Variants in PRICKLE1 observed in about 807,000 individuals in gnomAD.
PRICKLE1 encodes the protein prickle planar cell polarity protein 1, also known as prickle-like protein 1.
A neutral mutation model predicts 70.2 loss-of-function variants in PRICKLE1; 14 were observed. The ratio of observed to expected loss-of-function variants is 0.20; its 90% CI spans 0.13 to 0.31. The LOEUF (loss-of-function observed/expected upper bound fraction) is 0.31. Ranked by LOEUF, PRICKLE1 falls within the 10% of genes least tolerant of loss-of-function variation. The probability of loss-of-function intolerance (pLI) is 1.00; values close to 1 mark genes in which losing one functional copy is unlikely to be tolerated. For missense variants in PRICKLE1, 821 were observed against 1,026.2 expected (o/e 0.80, Z 2.73); for synonymous variants, 357 against 379.9 (o/e 0.94, Z 0.70).
At chr12:42,527,627 G>T (rs1939828734) in intron 1 of PRICKLE1, among the ~76,000 whole-genome samples, 1 of 152,030 alleles carries the variant, frequency 6.6e-6, no homozygotes, top group Admixed American at 6.6e-5. Flanking sequence ...GCACAGAGAG[G>T]GTACTTAACA....
chr12:42,460,573 T>C lies in PRICKLE1; in HGVS notation c.1732A>G (p.Ser578Gly). The change falls in exon 8 of 8, where the codon AGC (serine) becomes GGC (glycine). Residue 578 changes from serine (S) to glycine (G), a missense_variant. Ser to Gly is a moderately conservative substitution (Grantham distance 56, BLOSUM62 0). Coordinates refer to ENST00000345127, the MANE Select transcript of PRICKLE1 (RefSeq NM_153026.3). Reference sequence around the variant, plus strand: ...GAAGAGTTCAAAGTTCCCATATTGCTCATCTTCTCACAATCTTCTGTTTCC... The same window carrying C: ...GAAGAGTTCAAAGTTCCCATATTGCCCATCTTCTCACAATCTTCTGTTTCC... The part of the protein sequence containing the change: ...EMETEDCEKM[S>G]NMGTLNSSML... The C allele has an allele frequency of 6.2e-7, 1 of 1,614,026 alleles. No homozygotes were observed. Among genetic ancestry groups the C allele is most frequent in the Non-Finnish European group, 8.5e-7 (1 of 1,180,010 alleles).
At chr12:42,536,729 C>G (rs1046898767) in intron 1 of PRICKLE1, among the ~76,000 whole-genome samples, 1 of 152,130 alleles carries the variant, frequency 6.6e-6, no homozygotes, top group African/African-American at 2.4e-5. Context: ...TTCTTTGGGT[C>G]ATCTGATGCC....
chr12:42,519,202 T>C (rs1316767685), intron 1 of PRICKLE1, among the ~76,000 whole-genome samples: 2 of 141,080 alleles, frequency 1.4e-5, no homozygotes, highest in Non-Finnish European at 3.1e-5. Flanking sequence ...CCTTTTTTTT[T>C]TTTTTTTTTT....
At chr12:42,542,256 C>G (rs1402592453) in intron 1 of PRICKLE1, among the ~76,000 whole-genome samples, 1 of 151,382 alleles carries the variant, frequency 6.6e-6, no homozygotes, top group Non-Finnish European at 1.5e-5. Context: ...TTTTTTTATG[C>G]TGTCAAAGAA....
chr12:42,492,946 G>A (rs1939130860), intron 1 of PRICKLE1, among the ~76,000 whole-genome samples: 1 of 152,152 alleles, frequency 6.6e-6, no homozygotes, highest in Non-Finnish European at 1.5e-5. Flanking sequence ...TTATGGAGTG[G>A]TGAATGACTA....
chr12:42,559,024 T>G (rs1940457155), intron 1 of PRICKLE1, among the ~76,000 whole-genome samples: 1 of 150,104 alleles, frequency 6.7e-6, no homozygotes, highest in South Asian at 2.1e-4. Flanking sequence ...TGTAGAAAAT[T>G]AGGAAGTTGG....
chr12:42,464,722 G>A lies in PRICKLE1; in HGVS notation c.1312C>T (p.Arg438Ter). 1 of 1,613,898 alleles carries A rather than the reference G, an allele frequency of 6.2e-7. No individual in the cohort carries two copies. The highest frequency in any genetic ancestry group is 8.5e-7 in the Non-Finnish European group (1 of 1,179,992). The part of the protein sequence containing the change: ...FQPQPNEMDI[R>*]ASEHWISDNM... ...TCAGATATCCAGTGCTCACTGGCTC[G>A]AATATCCATCTCATTGGGCTGTGGC... Residue 438 changes from arginine to a stop codon, truncating the protein, a stop_gained, in exon 7 of 8, where the codon CGA (arginine) becomes TGA (stop). Coordinates refer to ENST00000345127, the MANE Select transcript of PRICKLE1 (RefSeq NM_153026.3). LOFTEE classifies it high-confidence loss of function. This position sits in a 1 kb window ranked among gnomAD's most constrained non-coding sequence, Gnocchi z 4.2.
chr12:42,502,237 C>A (rs1973032), intron 1 of PRICKLE1, among the ~76,000 whole-genome samples: 25,469 of 149,732 alleles, frequency 0.17, 2,870 homozygotes, highest in African/African-American at 0.31. Flanking sequence ...ACATATACCT[C>A]TATATATATA....
intron 1 of PRICKLE1, among the ~76,000 whole-genome samples, chr12:42,552,215 TGCCACCAC>T (rs1056562955): frequency 1.3e-5 from 2 of 151,882 alleles, no homozygotes; most frequent in African/African-American, 2.4e-5. Context: ...CACAGGTGCA[TGCCACCAC>T]GCCCGGCTAA....
rs187632148 is a variant in PRICKLE1 at position 42,459,326 on chromosome 12, G to T, written c.*483C>A. 2.7e-4 allele frequency: 186 copies of T among 701,626 alleles called. No individual in the cohort carries two copies. The African/African-American group carries it at 3.0e-3, about 11-fold the overall frequency. The allele number at this position is 701,626 out of a possible 1,614,324, so 43.5% of individuals were successfully genotyped here. On this transcript the variant is annotated 3_prime_UTR_variant, in exon 8 of 8. Coordinates refer to ENST00000345127, the MANE Select transcript of PRICKLE1 (RefSeq NM_153026.3). ...TTACCTGGCCAAAGAGGGTTCGAGG[G>T]GACAAGCTGGCCTCACAATAAGATG...
intron 1 of PRICKLE1, among the ~76,000 whole-genome samples, chr12:42,583,926 A>G (rs1940944642): frequency 6.6e-6 from 1 of 152,114 alleles, no homozygotes; most frequent in Non-Finnish European, 1.5e-5. Context: ...AGAACTCCCC[A>G]GTTCTATTAC....
intron 1 of PRICKLE1, among the ~76,000 whole-genome samples, chr12:42,566,552 C>T (rs75934128): frequency 0.047 from 7,222 of 152,226 alleles, 217 homozygotes; most frequent in East Asian, 0.1. Context: ...TGTGTGACCA[C>T]AGGGATTCTC....
intron 7 of PRICKLE1, among the ~76,000 whole-genome samples, chr12:42,462,287 G>A (rs1264007978): frequency 2.0e-5 from 3 of 151,026 alleles, no homozygotes; most frequent in East Asian, 2.0e-4. Context: ...TGCAACCTCC[G>A]CCTCCCAGGT....
At chr12:42,540,662 A>C (rs568985768) in intron 1 of PRICKLE1, among the ~76,000 whole-genome samples, 2 of 152,244 alleles carry the variant, frequency 1.3e-5, no homozygotes, top group African/African-American at 4.8e-5. Flanking sequence ...TCCCGGGTTC[A>C]AGCGATTCTC....
chr12:42,501,710 T>G (rs1939315303), intron 1 of PRICKLE1, among the ~76,000 whole-genome samples: 1 of 151,980 alleles, frequency 6.6e-6, no homozygotes, highest in Non-Finnish European at 1.5e-5. Flanking sequence ...TACAGAAAAA[T>G]GCTTGTCATT....
chr12:42,512,773 T>C (rs1040543629), intron 1 of PRICKLE1, among the ~76,000 whole-genome samples: 2 of 151,998 alleles, frequency 1.3e-5, no homozygotes, highest in Non-Finnish European at 2.9e-5. Flanking sequence ...TTCTCTTGCC[T>C]CAGCCTCCCA....
chr12:42,563,973 T>C (rs12229911), intron 1 of PRICKLE1, among the ~76,000 whole-genome samples: 19,893 of 151,876 alleles, frequency 0.13, 1,698 homozygotes, highest in Non-Finnish European at 0.19. Flanking sequence ...AAATGTCTCT[T>C]TCCAGCCAAG....
chr12:42,492,760 T>C (rs1237102349), intron 1 of PRICKLE1, among the ~76,000 whole-genome samples: 1 of 152,250 alleles, frequency 6.6e-6, no homozygotes, highest in Non-Finnish European at 1.5e-5. Flanking sequence ...TTCTCCTTTA[T>C]GTTTGGAGAG....
At chr12:42,544,082 G>C (rs1340233252) in intron 1 of PRICKLE1, among the ~76,000 whole-genome samples, 1 of 152,064 alleles carries the variant, frequency 6.6e-6, no homozygotes, top group Non-Finnish European at 1.5e-5. Flanking sequence ...GAAGGGGCTG[G>C]CCTTACTATC....
Sources: allele counts gnomAD v4.1 joint callset (sites outside exome capture counted in the v4.1 genomes callset), GRCh38; gene constraint gnomAD v4.1.1; non-coding constraint Gnocchi (gnomAD v3.1); transcripts MANE v1.5; gene names NCBI Gene and HGNC (gene_info 2026-07-23, HGNC 2026-07-21).